The following COPB2 variants were observed in gnomAD, a reference collection of about 807,000 sequenced individuals.
COPB2 encodes coat protein complex I subunit beta 2.
Under a neutral mutation model 120.8 loss-of-function variants are expected in COPB2, and 16 were observed. The ratio of observed to expected loss-of-function variants is 0.13; its 90% confidence interval spans 0.09 to 0.20. The LOEUF is 0.20. Among genes scored for constraint, COPB2 ranks in the 10% least tolerant of loss-of-function variants. The pLI is 1.00. For synonymous variants in COPB2, 332 were observed against 366.3 expected (o/e 0.91, Z 1.07); for missense variants, 794 against 1,076.5 (o/e 0.74, Z 3.67).
intron 19 of COPB2, 78 bp from the exon 20 acceptor site, chr3:139,358,890 A>G (rs1303197521): frequency 2.6e-6 from 4 of 1,547,438 alleles, no homozygotes; most frequent in South Asian, 1.2e-5. Flanking sequence ...TAAATCCCAG[A>G]TATCAGCTCT....
chr3:139,377,952 G>C (rs1468744324), intron 5 of COPB2, 89 bp downstream of exon 5: 2 of 1,233,648 alleles, frequency 1.6e-6, no homozygotes, highest in Non-Finnish European at 2.1e-6. Context: ...TTTTAAGATG[G>C]GTACATTTCT....
At chr3:139,388,782 C>T (rs1941987187) in intron 1 of COPB2, among the ~76,000 whole-genome samples, 1 of 128,592 alleles carries the variant, frequency 7.8e-6, no homozygotes, top group Non-Finnish European at 1.7e-5. Flanking sequence ...CCCGCCACCA[C>T]GCCCGGCTAA....
intron 1 of COPB2, among the ~76,000 whole-genome samples, chr3:139,383,668 T>G (rs1012258479): frequency 6.6e-6 from 1 of 152,174 alleles, no homozygotes; most frequent in Non-Finnish European, 1.5e-5. Context: ...GCTCTAAGGA[T>G]TCCTTTATAG....
At chr3:139,368,091 A>C in intron 13 of COPB2, 54 bp downstream of exon 13, 1 of 1,577,670 alleles carries the variant, frequency 6.3e-7, no homozygotes, top group Non-Finnish European at 8.6e-7. Flanking sequence ...TGTTGTAAGA[A>C]TATAAATCAT....
intron 13 of COPB2, 56 bp downstream of exon 13, chr3:139,368,089 G>C: frequency 6.4e-7 from 1 of 1,565,326 alleles, no homozygotes; most frequent in Non-Finnish European, 8.7e-7. Flanking sequence ...TCTGTTGTAA[G>C]AATATAAATC....
At position 139,373,278 on chromosome 3, in the gene COPB2, C is replaced by T. The variant is rs1276035400; in HGVS notation, c.1029G>A (p.Leu343=). The T allele has an allele frequency of 2.5e-6, 4 of 1,614,138 alleles. No individual in the cohort carries two copies. In the South Asian group the frequency reaches 4.4e-5, roughly 18 times the overall value. ...AEIKDGERLP[L]AVKDMGSCEI... ...CACAACTGCCCATATCCTTTACTGCCAGTGGCAATCTTTCACCATCTTTAA... is the reference window on the plus strand; with the variant it reads ...CACAACTGCCCATATCCTTTACTGCTAGTGGCAATCTTTCACCATCTTTAA... The change falls in exon 9 of 22, where the codon CTG becomes CTA. Residue 343 remains leucine, a synonymous_variant. Coordinates refer to ENST00000333188, the MANE Select transcript of COPB2 (RefSeq NM_004766.3).
At chr3:139,366,537 A>G in intron 15 of COPB2, 31 bp downstream of exon 15, 1 of 1,558,746 alleles carries the variant, frequency 6.4e-7, no homozygotes, top group Non-Finnish European at 8.7e-7. Flanking sequence ...CAAGTTTTAA[A>G]AAACAAAAAG....
intron 1 of COPB2, among the ~76,000 whole-genome samples, chr3:139,387,900 T>C (rs1265480929): frequency 6.6e-6 from 1 of 152,184 alleles, no homozygotes; most frequent in Non-Finnish European, 1.5e-5. Flanking sequence ...CAGTAACCAC[T>C]TCACAAACAT....
intron 17 of COPB2, among the ~76,000 whole-genome samples, chr3:139,359,773 C>T (rs1177940159): frequency 6.6e-6 from 1 of 151,848 alleles, no homozygotes; most frequent in African/African-American, 2.4e-5. Context: ...ACCATGGTGT[C>T]TTATTTTTTC....
intron 16 of COPB2, among the ~76,000 whole-genome samples, chr3:139,362,146 A>T (rs1941430444): frequency 6.6e-6 from 1 of 152,242 alleles, no homozygotes; most frequent in South Asian, 2.1e-4. Flanking sequence ...ATCTTGCAAA[A>T]TAGAGCTCAC....
intron 13 of COPB2, 119 bp from the exon 14 acceptor site, chr3:139,367,264 A>C: frequency 8.6e-7 from 1 of 1,156,908 alleles, no homozygotes; most frequent in South Asian, 2.1e-5. Flanking sequence ...AATCCTTCCT[A>C]TTTCTAGAAA....
chr3:139,374,156 AAC>A, intron 7 of COPB2: 1 of 413,152 alleles, frequency 2.4e-6, no homozygotes, highest in South Asian at 3.3e-5. Context: ...AATTTGCCCA[AAC>A]ACACATTCAT....
intron 16 of COPB2, 139 bp downstream of exon 16, chr3:139,362,266 TAA>T (rs981052049): frequency 3.5e-4 from 169 of 476,508 alleles, no homozygotes; most frequent in African/African-American, 2.9e-3. Context: ...TTTAAAAAGA[TAA>T]GAGAGAGACA....
Position 139,374,591 on chromosome 3 carries a change from G to A in COPB2, c.652-3C>T. 6.2e-7 allele frequency: 1 copy of A among 1,608,428 alleles called. No homozygotes were observed. The highest frequency in any genetic ancestry group is 1.1e-5 in the South Asian group (1 of 90,068). On this transcript the variant is annotated splice_polypyrimidine_tract_variant and splice_region_variant and intron_variant, in intron 6 of 21. Transcript: ENST00000333188. Reference sequence around the variant, plus strand: ...AGTGTCTGCACACATGTTTTATTCTGTAATTAAGACATAGAAAACATGTTT... The same window carrying A: ...AGTGTCTGCACACATGTTTTATTCTATAATTAAGACATAGAAAACATGTTT...
chr3:139,366,517 T>C (rs1006728202), intron 15 of COPB2, 51 bp downstream of exon 15: 1 of 1,518,500 alleles, frequency 6.6e-7, no homozygotes, highest in African/African-American at 1.4e-5. Context: ...AATAATTTGC[T>C]TTCAAATTGC....
At position 139,369,521 on chromosome 3, in the gene COPB2, C is replaced by T; in HGVS notation, c.1229G>A (p.Ser410Asn). The part of the protein sequence containing the change: ...SSEYAIRESN[S>N]IVKIFKNFKE... ...AAAGTTCTTAAATATCTTTACAATG[C>T]TGTTGCTCTCTCTTATTGCATACCT... The change falls in exon 11 of 22, where the codon AGC becomes AAC. Residue 410 changes from serine to asparagine, a missense_variant. Ser to Asn is a conservative substitution (Grantham distance 46). Coordinates refer to ENST00000333188, the MANE Select transcript of COPB2 (RefSeq NM_004766.3). 1 of 1,610,724 alleles carries T rather than the reference C, an allele frequency of 6.2e-7. No individual in the cohort carries two copies. Among genetic ancestry groups the T allele is most frequent in the Non-Finnish European group, 8.5e-7 (1 of 1,178,178 alleles).
intron 4 of COPB2, among the ~76,000 whole-genome samples, chr3:139,378,443 A>G (rs1941754875): frequency 6.6e-6 from 1 of 152,236 alleles, no homozygotes; most frequent in South Asian, 2.1e-4. Context: ...GAAAAAACTT[A>G]AAAATTCAGT....
At position 139,358,239 on chromosome 3, in the gene COPB2, C is replaced by G. The variant is rs141832843; in HGVS notation, c.2586G>C (p.Pro862=). The G allele has an allele frequency of 6.2e-6, 10 of 1,613,918 alleles. No homozygotes were observed. In the South Asian group the frequency reaches 1.1e-4, roughly 18 times the overall value. ...TGGCTGTGTGGGAGGCCACAATAACCGGAGTAGGAGAAGCAGGTTTCCCAT... is the reference window on the plus strand; with the variant it reads ...TGGCTGTGTGGGAGGCCACAATAACGGGAGTAGGAGAAGCAGGTTTCCCAT... ...ELDGKPASPT[P]VIVASHTANK... The change falls in exon 21 of 22, where the codon CCG becomes CCC. Residue 862 remains proline (P), a synonymous_variant. Coordinates refer to ENST00000333188, the MANE Select transcript of COPB2 (RefSeq NM_004766.3).
chr3:139,367,197 CAATA>C (rs1222319807), intron 13 of COPB2, 52 bp from the exon 14 acceptor site: 1 of 1,587,820 alleles, frequency 6.3e-7, no homozygotes, highest in South Asian at 1.1e-5. Flanking sequence ...AGAAATCTCT[CAATA>C]AAAAGCTGAA....
Sources: gnomAD v4.1 joint callset for allele counts (sites outside exome capture counted in the v4.1 genomes callset) on GRCh38, gnomAD v4.1.1 for gene constraint, MANE v1.5 for transcripts, NCBI Gene and HGNC (gene_info 2026-07-23, HGNC 2026-07-21) for gene names.